LSM14A: variants seen among roughly 807,000 people sequenced by gnomAD.
LSM14A encodes LSM14A mRNA processing body assembly factor.
LSM14A carries 14 observed loss-of-function variants against 52.4 expected under a neutral mutation model. The ratio of observed to expected loss-of-function variants is 0.27; its 90% CI spans 0.18 to 0.42. The LOEUF (loss-of-function observed/expected upper bound fraction) is 0.42, where lower values mean the gene tolerates loss of function less well. Among genes scored for constraint, LSM14A ranks in the 10% least tolerant of loss-of-function variants. LSM14A has a pLI of 1.00. For missense variants in LSM14A, 417 were observed against 581.8 expected (o/e 0.72, Z 2.91); for synonymous variants, 185 against 200.3 (o/e 0.92, Z 0.64).
chr19:34,207,171 G>T (rs1344910967), intron 3 of LSM14A, among the ~76,000 whole-genome samples: 6 of 152,056 alleles, frequency 3.9e-5, no homozygotes, highest in Non-Finnish European at 5.9e-5. Flanking sequence ...TAGAGCGAGG[G>T]GGGTGTGGCA....
At position 34,216,300 on chromosome 19, in the gene LSM14A, C is replaced by T. The variant is rs549300139; in HGVS notation, c.781+639C>T. ...CAGTGGCGGGCGCCTGTAGTCCCAG[C>T]TACTCAGGAGGCTGAGGCAGGAGAA... On this transcript the variant is annotated intron_variant, in intron 6 of 9. Coordinates refer to ENST00000544216, the MANE Select transcript of LSM14A (RefSeq NM_015578.4). Among the ~76,000 whole-genome samples the T allele has an allele frequency of 2.0e-5, 3 of 151,618 alleles. No individual in the cohort carries two copies. The East Asian group carries it at 5.9e-4, about 30-fold the overall frequency.
At chr19:34,186,832 T>C (rs1442405930) in intron 1 of LSM14A, among the ~76,000 whole-genome samples, 2 of 152,174 alleles carry the variant, frequency 1.3e-5, no homozygotes, top group Non-Finnish European at 2.9e-5. Context: ...GTAAGCGTCT[T>C]TTGGATATTT....
At chr19:34,200,279 A>G (rs1227387894) in intron 3 of LSM14A, among the ~76,000 whole-genome samples, 1 of 152,248 alleles carries the variant, frequency 6.6e-6, no homozygotes, top group Non-Finnish European at 1.5e-5. Context: ...AATGTAATAT[A>G]GAATCGAATA....
At chr19:34,176,499 C>T (rs1195258919) in intron 1 of LSM14A, among the ~76,000 whole-genome samples, 5 of 152,156 alleles carry the variant, frequency 3.3e-5, no homozygotes, top group African/African-American at 4.8e-5. Flanking sequence ...TATAAATGTT[C>T]TTCTGACATT....
chr19:34,197,093 T>TTG (rs1377121621), intron 3 of LSM14A, among the ~76,000 whole-genome samples: 3 of 152,056 alleles, frequency 2.0e-5, no homozygotes, highest in Non-Finnish European at 4.4e-5. Context: ...GTAATTGGTT[T>TTG]TGTTTTGTTT....
At chr19:34,214,292 CTTTATTTATTTATTTA>C (rs61278191) in intron 4 of LSM14A, among the ~76,000 whole-genome samples, 7 of 148,386 alleles carry the variant, frequency 4.7e-5, no homozygotes, top group South Asian at 2.1e-4. Context: ...AGTTCTTTTA[CTTTATTTATTTATTTA>C]TTTATTTATT....
At chr19:34,191,710 C>T (rs1469299886) in intron 1 of LSM14A, among the ~76,000 whole-genome samples, 1 of 152,154 alleles carries the variant, frequency 6.6e-6, no homozygotes, top group East Asian at 1.9e-4. Context: ...AATAGAGCTT[C>T]TCTAATTTTG....
chr19:34,192,745 C>T (rs1333937515), intron 1 of LSM14A, among the ~76,000 whole-genome samples: 2 of 149,306 alleles, frequency 1.3e-5, no homozygotes, highest in African/African-American at 2.5e-5. Flanking sequence ...GAAGCCGAAG[C>T]GGATGGATCA....
intron 6 of LSM14A, among the ~76,000 whole-genome samples, chr19:34,218,390 C>T (rs2072827145): frequency 1.3e-5 from 2 of 152,114 alleles, no homozygotes; most frequent in African/African-American, 2.4e-5. Context: ...GTGAATGTTT[C>T]AAACATCCTA....
intron 6 of LSM14A, 113 bp from the exon 7 acceptor site, chr19:34,219,278 C>T (rs2072895275): frequency 3.4e-6 from 2 of 585,476 alleles, no homozygotes; most frequent in Non-Finnish European, 3.0e-6. Context: ...ATAGAGAGAC[C>T]TGTAAGCATT....
At chr19:34,220,236 G>A (rs2072960238) in intron 8 of LSM14A, among the ~76,000 whole-genome samples, 2 of 152,088 alleles carry the variant, frequency 1.3e-5, no homozygotes, top group Admixed American at 1.3e-4. Context: ...AGGATTACAG[G>A]CGTGAGCCAC....
chr19:34,215,562 G>A (rs1246260245), intron 5 of LSM14A, 34 bp from the exon 6 acceptor site: 2 of 1,551,950 alleles, frequency 1.3e-6, no homozygotes, highest in South Asian at 1.1e-5. Flanking sequence ...TGTACCCTGA[G>A]TTGATTTGGC....
Position 34,215,120 on chromosome 19 carries a change from T to G in LSM14A, c.539-4T>G. On this transcript the variant is annotated splice_polypyrimidine_tract_variant and splice_region_variant and intron_variant, in intron 4 of 9. Coordinates refer to ENST00000544216, the MANE Select transcript of LSM14A (RefSeq NM_015578.4). ...TAGTTTGTTATCTTTTGGTTACATT[T>G]TAGGTCGCTCAAGCCCTCAGTTAGA... 6.2e-7 allele frequency: 1 copy of G among 1,602,012 alleles called. No homozygotes were observed. Among genetic ancestry groups the G allele is most frequent in the Non-Finnish European group, 8.5e-7 (1 of 1,176,234 alleles).
At chr19:34,198,981 C>T (rs376032460) in intron 3 of LSM14A, among the ~76,000 whole-genome samples, 67 of 150,932 alleles carry the variant, frequency 4.4e-4, no homozygotes, top group South Asian at 4.4e-3. Context: ...AGTGAGACTC[C>T]GTCTCAATAA....
intron 1 of LSM14A, 59 bp from the exon 2 acceptor site, chr19:34,194,419 G>A (rs907807349): frequency 1.5e-6 from 2 of 1,355,290 alleles, no homozygotes; most frequent in African/African-American, 1.4e-5. Flanking sequence ...TTAGAATCTG[G>A]GGTACTACCT....
intron 1 of LSM14A, among the ~76,000 whole-genome samples, chr19:34,187,919 T>TG (rs1489162685): frequency 6.6e-6 from 1 of 151,874 alleles, no homozygotes; most frequent in Non-Finnish European, 1.5e-5. Flanking sequence ...ATGCATGTGA[T>TG]GCATTTCTAT....
At chr19:34,207,155 T>C (rs1260503060) in intron 3 of LSM14A, among the ~76,000 whole-genome samples, 2 of 152,186 alleles carry the variant, frequency 1.3e-5, no homozygotes, top group Non-Finnish European at 2.9e-5. Context: ...GGTAGTAGAA[T>C]TGGAGTAGAG....
In LSM14A at chr19:34,204,096, C is replaced by T. The variant is rs549318658; in HGVS notation, c.416-4833C>T. On this transcript the variant is annotated intron_variant, in intron 3 of 9. Transcript: ENST00000544216. Reference sequence around the variant, plus strand: ...AGGTAAAGGTTGGGGGGGCGTTCTTCGTAAAGATAAGGATCAGTTCATCAA... The same window carrying T: ...AGGTAAAGGTTGGGGGGGCGTTCTTTGTAAAGATAAGGATCAGTTCATCAA... Among the ~76,000 whole-genome samples, 7 of 152,172 alleles carry T rather than the reference C, an allele frequency of 4.6e-5. No homozygotes were observed. The South Asian group carries it at 1.0e-3, about 23-fold the overall frequency.
At chr19:34,221,814 G>GT in intron 9 of LSM14A, 76 bp downstream of exon 9, 1 of 1,513,120 alleles carries the variant, frequency 6.6e-7, no homozygotes, top group Non-Finnish European at 8.9e-7. Context: ...ACTTGTTTTT[G>GT]TTTTGGGTGA....
Sources: allele counts gnomAD v4.1 joint callset (sites outside exome capture counted in the v4.1 genomes callset), GRCh38; gene constraint gnomAD v4.1.1; transcripts MANE v1.5; gene names NCBI Gene and HGNC (gene_info 2026-07-23, HGNC 2026-07-21).